Variants in SEMA3E observed in about 807,000 individuals in gnomAD.
SEMA3E encodes the protein semaphorin-3E.
Under a neutral mutation model 93.6 loss-of-function variants are expected in SEMA3E, and 49 were observed. The observed-to-expected ratio is 0.52, with a 90% CI of 0.42 to 0.66. The LOEUF (loss-of-function observed/expected upper bound fraction) is 0.66. Ranked by LOEUF, SEMA3E falls within the 30% of genes least tolerant of loss-of-function variation. SEMA3E has a pLI of 0.00. For missense variants in SEMA3E, 906 were observed against 964.8 expected (o/e 0.94, Z 0.81); for synonymous variants, 363 against 330.7 (o/e 1.10, Z -1.06).
At chr7:83,459,218 G>T (rs1464466587) in intron 4 of SEMA3E, among the ~76,000 whole-genome samples, 1 of 151,776 alleles carries the variant, frequency 6.6e-6, no homozygotes, top group African/African-American at 2.4e-5. Flanking sequence ...AATTTTAAAA[G>T]GGAAACATCA....
At chr7:83,411,219 A>C (rs1366227184) in intron 5 of SEMA3E, among the ~76,000 whole-genome samples, 5 of 152,110 alleles carry the variant, frequency 3.3e-5, no homozygotes, top group Admixed American at 2.6e-4. Context: ...CCATATTCAG[A>C]GACAATTCTC....
chr7:83,568,206 A>G (rs1315824653), intron 1 of SEMA3E, among the ~76,000 whole-genome samples: 1 of 152,172 alleles, frequency 6.6e-6, no homozygotes, highest in Non-Finnish European at 1.5e-5. Flanking sequence ...GAAAAGACCA[A>G]TAAAGAGCAG....
chr7:83,519,152 T>G (rs1238433161), intron 1 of SEMA3E, among the ~76,000 whole-genome samples: 1 of 150,586 alleles, frequency 6.6e-6, no homozygotes, highest in African/African-American at 2.4e-5. Context: ...CCCCAGAGTG[T>G]GATGTTCCCC....
At chr7:83,617,645 A>AT (rs1793409140) in intron 1 of SEMA3E, among the ~76,000 whole-genome samples, 182 of 146,588 alleles carry the variant, frequency 1.2e-3, no homozygotes, top group Non-Finnish European at 1.8e-3. Context: ...TAAATAATAT[A>AT]ATTTATTAAT....
intron 2 of SEMA3E, among the ~76,000 whole-genome samples, chr7:83,471,150 T>G (rs1203996091): frequency 6.6e-6 from 1 of 152,128 alleles, no homozygotes; most frequent in Non-Finnish European, 1.5e-5. Context: ...TTAAGAGGTA[T>G]ATGATCTGAG....
chr7:83,561,534 T>C (rs974650322), intron 1 of SEMA3E, among the ~76,000 whole-genome samples: 2 of 152,108 alleles, frequency 1.3e-5, no homozygotes, highest in East Asian at 3.9e-4. Flanking sequence ...CACCCTGCCC[T>C]CAAGGAATCA....
At chr7:83,394,157 A>C (rs2115588373) in intron 13 of SEMA3E, 140 bp downstream of exon 13, 1 of 929,906 alleles carries the variant, frequency 1.1e-6, no homozygotes, top group African/African-American at 1.7e-5. Context: ...TTACTACAAT[A>C]AAATAAAGTA....
chr7:83,571,743 G>T (rs539684765), intron 1 of SEMA3E, among the ~76,000 whole-genome samples: 1 of 152,252 alleles, frequency 6.6e-6, no homozygotes, highest in South Asian at 2.1e-4. Flanking sequence ...GCAAGAGAAA[G>T]AAATAAAAGG....
intron 1 of SEMA3E, among the ~76,000 whole-genome samples, chr7:83,517,269 C>T (rs982630311): frequency 1.3e-5 from 2 of 152,244 alleles, no homozygotes; most frequent in Non-Finnish European, 2.9e-5. Flanking sequence ...TTACACACTC[C>T]ATTCTCCAAA....
At chr7:83,598,221 A>T (rs1190725251) in intron 1 of SEMA3E, among the ~76,000 whole-genome samples, 1 of 152,184 alleles carries the variant, frequency 6.6e-6, no homozygotes, top group East Asian at 1.9e-4. Flanking sequence ...GATGGCACAG[A>T]TGGGCACCAG....
At chr7:83,557,391 A>G (rs932112313) in intron 1 of SEMA3E, among the ~76,000 whole-genome samples, 1 of 151,678 alleles carries the variant, frequency 6.6e-6, no homozygotes, top group Non-Finnish European at 1.5e-5. Flanking sequence ...ATTCAAACTA[A>G]TTAACAAAGC....
intron 4 of SEMA3E, among the ~76,000 whole-genome samples, chr7:83,447,158 T>C (rs1346360033): frequency 6.6e-6 from 1 of 152,202 alleles, no homozygotes; most frequent in Non-Finnish European, 1.5e-5. Context: ...ATGCTGAATC[T>C]ATATACTGAT....
At chr7:83,602,301 A>C (rs1793013102) in intron 1 of SEMA3E, among the ~76,000 whole-genome samples, 1 of 152,172 alleles carries the variant, frequency 6.6e-6, no homozygotes, top group African/African-American at 2.4e-5. Context: ...TGTCAGTTTG[A>C]AAGTGTCACA....
At chr7:83,611,298 A>G (rs1793251724) in intron 1 of SEMA3E, among the ~76,000 whole-genome samples, 1 of 144,070 alleles carries the variant, frequency 6.9e-6, no homozygotes, top group Admixed American at 7.1e-5. Flanking sequence ...AAATTTATAT[A>G]TTATATATAT....
chr7:83,614,352 T>C (rs1445896838), intron 1 of SEMA3E, among the ~76,000 whole-genome samples: 1 of 152,172 alleles, frequency 6.6e-6, no homozygotes, highest in Non-Finnish European at 1.5e-5. Context: ...GCTGTGTTTC[T>C]TCCTTGTAAG....
At chr7:83,580,130 G>A (rs773198734) in intron 1 of SEMA3E, among the ~76,000 whole-genome samples, 1 of 151,940 alleles carries the variant, frequency 6.6e-6, no homozygotes, top group Non-Finnish European at 1.5e-5. Flanking sequence ...AGATAATGAA[G>A]TCGATGACAT....
At chr7:83,462,340 T>C (rs1053592886) in intron 4 of SEMA3E, among the ~76,000 whole-genome samples, 2 of 152,124 alleles carry the variant, frequency 1.3e-5, no homozygotes, top group African/African-American at 4.8e-5. Context: ...TTCTTAAAAC[T>C]CCCCAACTCT....
At chr7:83,369,545 A>T (rs572128625) in intron 16 of SEMA3E, among the ~76,000 whole-genome samples, 14 of 152,270 alleles carry the variant, frequency 9.2e-5, no homozygotes, top group African/African-American at 3.4e-4. Flanking sequence ...TGGGCTAATA[A>T]AAGAGTCTCC....
rs1195684875 is a variant in SEMA3E at position 83,400,211 on chromosome 7, T to A, written c.1183A>T (p.Lys395Ter). ...CGGATGGCATCATCAGGATAGTCCT[T>A]GGTGGTTCCGTATCTCCCTCCATTT... The part of the protein sequence containing the change: ...KVNGGRYGTT[K>*]DYPDDAIRFA... The change falls in exon 11 of 17, where the codon AAG (lysine) becomes TAG (stop). Residue 395 changes from lysine (K) to a stop codon, truncating the protein, a stop_gained. Transcript: ENST00000643230. LOFTEE classifies it high-confidence loss of function. 1 of 1,613,966 alleles carries A rather than the reference T, an allele frequency of 6.2e-7. No individual in the cohort carries two copies. Among genetic ancestry groups the A allele is most frequent in the Admixed American group, 1.7e-5 (1 of 59,986 alleles).
Sources: gnomAD v4.1 joint callset for allele counts (sites outside exome capture counted in the v4.1 genomes callset) on GRCh38, gnomAD v4.1.1 for gene constraint, MANE v1.5 for transcripts, NCBI Gene and HGNC (gene_info 2026-07-23, HGNC 2026-07-21) for gene names.